CDKAL1: variants seen among roughly 807,000 people sequenced by gnomAD.
CDKAL1 encodes the protein CDKAL1 threonylcarbamoyladenosine tRNA methylthiotransferase.
A neutral mutation model predicts 68.2 loss-of-function variants in CDKAL1; 32 were observed. The observed-to-expected ratio is 0.47, with a 90% CI of 0.35 to 0.63. CDKAL1 has a LOEUF of 0.63. Among genes scored for constraint, CDKAL1 ranks in the 30% least tolerant of loss-of-function variants. CDKAL1 has a pLI of 0.00. For missense variants in CDKAL1, 606 were observed against 696.7 expected, an observed-to-expected ratio of 0.87 and a Z score of 1.47; for synonymous variants, 234 against 244.3, an observed-to-expected ratio of 0.96 and a Z score of 0.39.
intron 9 of CDKAL1, among the ~76,000 whole-genome samples, chr6:20,867,451 A>G (rs955562646): frequency 1.6e-4 from 25 of 152,246 alleles, no homozygotes; most frequent in African/African-American, 5.5e-4. Flanking sequence ...TGAATGTTCA[A>G]AAAACACGAT....
chr6:20,686,202 G>A (rs1362994280), intron 5 of CDKAL1, among the ~76,000 whole-genome samples: 1 of 148,666 alleles, frequency 6.7e-6, no homozygotes, highest in Non-Finnish European at 1.5e-5. Flanking sequence ...TCTTTTTCTT[G>A]TCTTGTATTA....
intron 5 of CDKAL1, among the ~76,000 whole-genome samples, chr6:20,692,109 A>T (rs1054523671): frequency 3.3e-5 from 5 of 152,180 alleles, no homozygotes; most frequent in African/African-American, 1.2e-4. Flanking sequence ...TGACATTTAC[A>T]TAAGATTACT....
intron 4 of CDKAL1, among the ~76,000 whole-genome samples, chr6:20,577,470 C>T (rs1174756149): frequency 6.6e-6 from 1 of 152,170 alleles, no homozygotes; most frequent in Non-Finnish European, 1.5e-5. Flanking sequence ...TATTATTGAA[C>T]CTGCCAGTGT....
At chr6:20,733,842 G>A (rs1236432236) in intron 5 of CDKAL1, among the ~76,000 whole-genome samples, 1 of 151,932 alleles carries the variant, frequency 6.6e-6, no homozygotes, top group East Asian at 1.9e-4. Flanking sequence ...TTTTTATTAT[G>A]CTATGAATTT....
At chr6:20,684,324 C>G (rs1018345008) in intron 5 of CDKAL1, among the ~76,000 whole-genome samples, 1 of 152,306 alleles carries the variant, frequency 6.6e-6, no homozygotes, top group East Asian at 1.9e-4. Flanking sequence ...TGCCTGTATT[C>G]CCAGCTACTT....
At chr6:21,115,054 C>T (rs771961891) in intron 13 of CDKAL1, among the ~76,000 whole-genome samples, 2 of 152,142 alleles carry the variant, frequency 1.3e-5, no homozygotes, top group Non-Finnish European at 2.9e-5. Flanking sequence ...TTGGGTTATA[C>T]CACCATTCCT....
chr6:21,209,399 A>G (rs1373218578), intron 15 of CDKAL1, among the ~76,000 whole-genome samples: 3 of 152,234 alleles, frequency 2.0e-5, no homozygotes, highest in Non-Finnish European at 4.4e-5. Flanking sequence ...CATATGCAAC[A>G]TGCAGGTAGC....
At chr6:21,125,906 C>A (rs1430798259) in intron 13 of CDKAL1, among the ~76,000 whole-genome samples, 1 of 152,098 alleles carries the variant, frequency 6.6e-6, no homozygotes, top group Non-Finnish European at 1.5e-5. Context: ...GTGTGTCTCC[C>A]CTAGATAACT....
At chr6:20,849,181 C>T (rs7753271) in intron 9 of CDKAL1, among the ~76,000 whole-genome samples, 32,478 of 152,012 alleles carry the variant, frequency 0.21, 3,602 homozygotes, top group East Asian at 0.34. Context: ...ATGATGTGAA[C>T]GTAGTATCTC....
At chr6:21,114,944 C>CT in intron 13 of CDKAL1, among the ~76,000 whole-genome samples, 1 of 152,202 alleles carries the variant, frequency 6.6e-6, no homozygotes, top group African/African-American at 2.4e-5. Context: ...ACAGGGAATT[C>CT]ATATCTACTA....
chr6:20,930,933 C>T (rs781282015), intron 9 of CDKAL1, among the ~76,000 whole-genome samples: 6 of 150,198 alleles, frequency 4.0e-5, no homozygotes, highest in African/African-American at 7.3e-5. Context: ...TTAGTAGAGA[C>T]GGGGTTTCAC....
At chr6:21,055,824 A>G (rs182690369) in intron 11 of CDKAL1, among the ~76,000 whole-genome samples, 19 of 152,324 alleles carry the variant, frequency 1.2e-4, no homozygotes, top group African/African-American at 2.2e-4. Flanking sequence ...TAGTGCTGCA[A>G]TGAACATACG....
intron 5 of CDKAL1, among the ~76,000 whole-genome samples, chr6:20,654,423 CT>C (rs1485767525): frequency 7.3e-5 from 11 of 150,668 alleles, no homozygotes; most frequent in African/African-American, 2.7e-4. Context: ...TTTTCATTTT[CT>C]TTTGTGGTAT....
At chr6:21,123,524 A>C (rs1774833844) in intron 13 of CDKAL1, among the ~76,000 whole-genome samples, 1 of 152,196 alleles carries the variant, frequency 6.6e-6, no homozygotes, top group South Asian at 2.1e-4. Context: ...TTAAGTGTGG[A>C]TATTGGTGCC....
At chr6:21,164,958 A>T (rs9460603) in intron 13 of CDKAL1, among the ~76,000 whole-genome samples, 8 of 152,096 alleles carry the variant, frequency 5.3e-5, no homozygotes, top group African/African-American at 1.9e-4. Flanking sequence ...CACTGGGAAG[A>T]TTTCTCTTTA....
At chr6:20,655,358 C>T (rs1275921722) in intron 5 of CDKAL1, among the ~76,000 whole-genome samples, 1 of 152,120 alleles carries the variant, frequency 6.6e-6, no homozygotes, top group Non-Finnish European at 1.5e-5. Context: ...CAGAGGATCT[C>T]ATCTAAAGTG....
intron 10 of CDKAL1, among the ~76,000 whole-genome samples, chr6:20,994,291 C>T (rs535027043): frequency 9.5e-4 from 144 of 152,220 alleles, no homozygotes; most frequent in African/African-American, 3.3e-3. Flanking sequence ...CCAGCCTGGC[C>T]GATATGGTGA....
intron 12 of CDKAL1, among the ~76,000 whole-genome samples, chr6:21,074,843 C>T (rs573723713): frequency 2.7e-4 from 41 of 151,906 alleles, no homozygotes; most frequent in Admixed American, 6.5e-4. Context: ...TAGGAGTACA[C>T]ATGGTTTGTG....
chr6:20,900,236 A>G (rs532866266), intron 9 of CDKAL1, among the ~76,000 whole-genome samples: 1 of 151,854 alleles, frequency 6.6e-6, no homozygotes, highest in Admixed American at 6.6e-5. Context: ...AATCCTTATT[A>G]AAAAAAAGGG....
Sources: allele counts gnomAD v4.1 joint callset (sites outside exome capture counted in the v4.1 genomes callset), GRCh38; gene constraint gnomAD v4.1.1; transcripts MANE v1.5; gene names NCBI Gene and HGNC (gene_info 2026-07-23, HGNC 2026-07-21).